CDK15: variants seen among roughly 807,000 people sequenced by gnomAD.
CDK15 encodes cyclin dependent kinase 15, also known as cyclin-dependent kinase 15.
In CDK15, 62 loss-of-function variants were observed where a neutral mutation model predicts 60.3. The ratio of observed to expected loss-of-function variants is 1.03; its 90% confidence interval spans 0.84 to 1.27. The LOEUF is 1.27. CDK15 is among the 50% of genes most tolerant of loss of function. CDK15 has a pLI of 0.00. For missense variants in CDK15, 541 were observed against 527.8 expected (o/e 1.03, Z -0.25); for synonymous variants, 194 against 195.7 (o/e 0.99, Z 0.07).
chr2:201,849,006 T>C (rs2105777923), intron 9 of CDK15, among the ~76,000 whole-genome samples: 1 of 152,328 alleles, frequency 6.6e-6, no homozygotes, highest in Admixed American at 6.5e-5. Flanking sequence ...CATTATGTTA[T>C]TGGGTGCTAT....
At position 201,836,000 on chromosome 2, in the gene CDK15, A is replaced by T. The variant is rs1380152957; in HGVS notation, c.851+237A>T. Reference sequence around the variant, plus strand: ...TATATATTTTTATATATTTATATATATTTATATTTTTATATTTTTATATAT... The same window carrying T: ...TATATATTTTTATATATTTATATATTTTTATATTTTTATATTTTTATATAT... On this transcript the variant is annotated intron_variant, in intron 8 of 13. Coordinates refer to ENST00000652192, the MANE Select transcript of CDK15 (RefSeq NM_001366386.2). Among the ~76,000 whole-genome samples, 74 of 110,482 alleles carry T rather than the reference A, an allele frequency of 6.7e-4. 1 individual carries two copies. Among genetic ancestry groups the T allele is most frequent in the East Asian group, 4.8e-3 (20 of 4,182 alleles). The allele number at this position is 110,482 out of a possible 152,430, so 72.5% of individuals were successfully genotyped here. A position where few individuals can be genotyped will look rare whatever the true frequency, so the allele number is the denominator to read the frequency against.
At chr2:201,829,586 G>A (rs753874129) in intron 6 of CDK15, among the ~76,000 whole-genome samples, 3 of 152,044 alleles carry the variant, frequency 2.0e-5, no homozygotes, top group South Asian at 2.1e-4. Context: ...ATGTACAGGC[G>A]AGCTCCAGAC....
chr2:201,889,162 G>A (rs1396240291), intron 12 of CDK15: 1 of 985,288 alleles, frequency 1.0e-6, no homozygotes, highest in Non-Finnish European at 1.2e-6. Context: ...CTTTGGGTGT[G>A]AGCAGCTTCC....
intron 6 of CDK15, among the ~76,000 whole-genome samples, chr2:201,826,360 T>A (rs1696493245): frequency 7.1e-6 from 1 of 141,508 alleles, no homozygotes; most frequent in African/African-American, 2.6e-5. Context: ...CTCAGGAGGC[T>A]GAGGCAGGAG....
chr2:201,875,761 G>A (rs1699053276), intron 11 of CDK15, among the ~76,000 whole-genome samples: 1 of 152,132 alleles, frequency 6.6e-6, no homozygotes, highest in South Asian at 2.1e-4. Context: ...CTGTCTAAAA[G>A]CAAAGGACTG....
intron 3 of CDK15, 34 bp downstream of exon 3, chr2:201,807,986 A>C: frequency 6.4e-7 from 1 of 1,559,508 alleles, no homozygotes; most frequent in South Asian, 1.1e-5. Flanking sequence ...GACTTTAGAG[A>C]TGAGAGTCCC....
chr2:201,887,010 T>C (rs1559152497), intron 12 of CDK15, among the ~76,000 whole-genome samples: 1 of 152,168 alleles, frequency 6.6e-6, no homozygotes, highest in Non-Finnish European at 1.5e-5. Context: ...AAAGAAATAA[T>C]TGAATAGGGG....
intron 3 of CDK15, among the ~76,000 whole-genome samples, chr2:201,809,007 C>T (rs1440279647): frequency 3.9e-5 from 6 of 152,054 alleles, no homozygotes; most frequent in African/African-American, 1.2e-4. Flanking sequence ...TGACTGCAAC[C>T]TCTGCCTCCT....
At chr2:201,833,345 A>C (rs1317763379) in intron 6 of CDK15, among the ~76,000 whole-genome samples, 1 of 152,156 alleles carries the variant, frequency 6.6e-6, no homozygotes, top group Non-Finnish European at 1.5e-5. Flanking sequence ...TTCTAATACC[A>C]TCTAAAGATA....
chr2:201,808,010 CA>C, intron 3 of CDK15, 58 bp downstream of exon 3: 1 of 1,448,522 alleles, frequency 6.9e-7, no homozygotes, highest in Non-Finnish European at 9.6e-7. Flanking sequence ...CCCCCAATTT[CA>C]TATTATAAAG....
intron 11 of CDK15, chr2:201,876,572 G>A (rs1173696431): frequency 1.7e-5 from 22 of 1,288,388 alleles, no homozygotes; most frequent in South Asian, 1.1e-4. Flanking sequence ...CACCTCTACC[G>A]GCGAAGGAGA....
At chr2:201,815,382 A>T (rs762830969) in intron 4 of CDK15, among the ~76,000 whole-genome samples, 32 of 152,216 alleles carry the variant, frequency 2.1e-4, no homozygotes, top group Admixed American at 3.9e-4. Context: ...CTGTAGAAAT[A>T]TTCATTTAGC....
At chr2:201,873,447 G>T (rs574309206) in intron 11 of CDK15, among the ~76,000 whole-genome samples, 1 of 152,126 alleles carries the variant, frequency 6.6e-6, no homozygotes, top group East Asian at 1.9e-4. Flanking sequence ...AGCATGGCCC[G>T]TGGCTTTCTT....
At chr2:201,846,556 C>T (rs1396115121) in intron 8 of CDK15, among the ~76,000 whole-genome samples, 4 of 150,198 alleles carry the variant, frequency 2.7e-5, no homozygotes, top group African/African-American at 9.9e-5. Context: ...AAAGAAAAGT[C>T]CTTTTTTTTT....
intron 3 of CDK15, among the ~76,000 whole-genome samples, chr2:201,811,264 C>G (rs1411863334): frequency 6.6e-6 from 1 of 151,912 alleles, no homozygotes; most frequent in Admixed American, 6.6e-5. Context: ...CATTCTCCTG[C>G]CTCAGCCTCC....
At chr2:201,891,743 G>A (rs1247076667) in intron 13 of CDK15, among the ~76,000 whole-genome samples, 1 of 152,150 alleles carries the variant, frequency 6.6e-6, no homozygotes, top group African/African-American at 2.4e-5. Context: ...CTTCCATGGT[G>A]GTAGATGGGA....
intron 7 of CDK15, 128 bp downstream of exon 7, chr2:201,834,099 T>C: frequency 8.7e-7 from 1 of 1,146,212 alleles, no homozygotes; most frequent in Non-Finnish European, 1.2e-6. Context: ...TGTGAGGATA[T>C]CAAACTACCA....
chr2:201,838,626 C>T lies in CDK15; in HGVS notation c.851+2863C>T, dbSNP rs1057194515. 5.7e-4 allele frequency among the ~76,000 whole-genome samples: 86 copies of T among 151,998 alleles called. 6 individuals carry two copies. Among genetic ancestry groups the T allele is most frequent in the Admixed American group, 6.6e-5 (1 of 15,256 alleles). The stretch of plus-strand genomic sequence containing the variant: ...CTCACTTTGTTGCCCATGCTGGTCT[C>T]AAACTCCTGGCTTCAAGAGATCCTC... On this transcript the variant is annotated intron_variant, in intron 8 of 13. Transcript: ENST00000652192.
At chr2:201,891,771 G>A (rs1699646473) in intron 13 of CDK15, among the ~76,000 whole-genome samples, 2 of 152,148 alleles carry the variant, frequency 1.3e-5, no homozygotes, top group Admixed American at 1.3e-4. Context: ...CAAGATAGAG[G>A]AATCAAGGTA....
Sources: gnomAD v4.1 joint callset for allele counts (sites outside exome capture counted in the v4.1 genomes callset) on GRCh38, gnomAD v4.1.1 for gene constraint, MANE v1.5 for transcripts, NCBI Gene and HGNC (gene_info 2026-07-23, HGNC 2026-07-21) for gene names.